Variants in CLCA1 observed in about 807,000 individuals in gnomAD.
CLCA1 encodes the protein calcium-activated chloride channel regulator 1.
Under a neutral mutation model 85.6 loss-of-function variants are expected in CLCA1, and 59 were observed. The ratio of observed to expected loss-of-function variants is 0.69; its 90% CI spans 0.56 to 0.86. The LOEUF is 0.86. Ranked by LOEUF, CLCA1 falls within the 40% of genes least tolerant of loss-of-function variation. The probability of loss-of-function intolerance (pLI) is 0.00; values close to 1 mark genes in which losing one functional copy is unlikely to be tolerated. For synonymous variants in CLCA1, 396 were observed against 398.3 expected (o/e 0.99, Z 0.07); for missense variants, 1,022 against 1,101.4 (o/e 0.93, Z 1.02).
intron 3 of CLCA1, among the ~76,000 whole-genome samples, chr1:86,474,296 A>C (rs919073983): frequency 3.3e-5 from 5 of 152,304 alleles, no homozygotes; most frequent in African/African-American, 9.6e-5. Flanking sequence ...ATCTTGTTAA[A>C]ATGTGGATTC....
At chr1:86,494,557 A>G in intron 11 of CLCA1, 109 bp downstream of exon 11, 1 of 1,134,792 alleles carries the variant, frequency 8.8e-7, no homozygotes. Context: ...AAGGCAGCAC[A>G]GCACTGAGGT....
At chr1:86,477,598 G>T (rs1036636041) in intron 4 of CLCA1, among the ~76,000 whole-genome samples, 3 of 152,108 alleles carry the variant, frequency 2.0e-5, no homozygotes, top group Non-Finnish European at 4.4e-5. Context: ...AAAAAATTCT[G>T]TAGCTACAGG....
Position 86,491,344 on chromosome 1 carries a change from T to C in CLCA1, c.1437T>C (p.Asn479=). ...IDAFGALSSG[N]GAVSQRSIQL... ...CTTTTGGGGCCCTTTCATCAGGAAA[T>C]GGAGCTGTCTCTCAGCGCTCCATCC... Residue 479 remains asparagine (N), a synonymous_variant, in exon 9 of 14, where the codon AAT becomes AAC. Coordinates refer to ENST00000394711, the MANE Select transcript of CLCA1 (RefSeq NM_001285.4). 1 of 1,613,302 alleles carries C rather than the reference T, an allele frequency of 6.2e-7. No individual in the cohort carries two copies. The highest frequency in any genetic ancestry group is 8.5e-7 in the Non-Finnish European group (1 of 1,179,384).
At chr1:86,479,745 C>T (rs1387685679) in intron 4 of CLCA1, among the ~76,000 whole-genome samples, 3 of 152,002 alleles carry the variant, frequency 2.0e-5, no homozygotes, top group Non-Finnish European at 2.9e-5. Flanking sequence ...ATTAGCCAGG[C>T]GTGGTGGCGG....
rs778815697 is a variant in CLCA1, at chr1:86,476,450, AG to A, written c.457del (p.Ala153HisfsTer33). 13 of 1,536,100 alleles carry A rather than the reference AG, an allele frequency of 8.5e-6. No individual in the cohort carries two copies. The highest frequency in any genetic ancestry group is 1.2e-5 in the Non-Finnish European group (13 of 1,111,624). ...KKLAEYGPQG[R>X]AFVHEWAHLR... ...TTTTTTAAAATACTTTCTCACAGGTAGGGCATTTGTCCATGAGTGGGCTCAT... is the reference window on the plus strand; with the variant it reads ...TTTTTTAAAATACTTTCTCACAGGTAGGCATTTGTCCATGAGTGGGCTCAT... On this transcript the variant is annotated frameshift_variant, in exon 4 of 14. Transcript: ENST00000394711. LOFTEE classifies it high-confidence loss of function.
intron 4 of CLCA1, among the ~76,000 whole-genome samples, chr1:86,481,913 G>A (rs1225795221): frequency 6.6e-6 from 1 of 152,192 alleles, no homozygotes; most frequent in African/African-American, 2.4e-5. Flanking sequence ...TAGATTCAAA[G>A]GTGCCTGAGG....
At position 86,484,422 on chromosome 1, in the gene CLCA1, T is replaced by TG. The variant is rs1162500020; in HGVS notation, c.736-917dup. On this transcript the variant is annotated intron_variant, in intron 5 of 13. Transcript: ENST00000394711. ...AAGTTTGGGAACTGACAGGCTATAG[T>TG]GGGGTAAATTAGAGACATGGAATAC... Among the ~76,000 whole-genome samples, 14 of 152,054 alleles carry TG rather than the reference T, an allele frequency of 9.2e-5. No homozygotes were observed. In the East Asian group the frequency reaches 2.7e-3, roughly 29 times the overall value.
Position 86,491,263 on chromosome 1 carries a change from A to G in CLCA1, c.1358-2A>G. On this transcript the variant is annotated splice_acceptor_variant, in intron 8 of 13. Transcript: ENST00000394711. LOFTEE classifies it high-confidence loss of function. ...ATTTCTGAAAATGTAATTGCATTTT[A>G]GGAGGTTTACAGACATATGCTTCAG... The G allele has an allele frequency of 6.2e-7, 1 of 1,600,674 alleles. No individual in the cohort carries two copies. Among genetic ancestry groups the G allele is most frequent in the Non-Finnish European group, 8.5e-7 (1 of 1,171,274 alleles).
chr1:86,500,044 A>C lies in CLCA1; in HGVS notation c.2744A>C (p.Ter915SerextTer2). Residue 915 changes from the stop codon to serine (S), a stop_lost, in exon 14 of 14, where the codon TAG becomes TCG. Transcript: ENST00000394711. The part of the protein sequence containing the change: ...WIGELQLSIA[*>S] Reference sequence around the variant, plus strand: ...GGAGAACTGCAGCTGTCAATAGCCTAGGGCTGAATTTTTGTCAGATAAATA... The same window carrying C: ...GGAGAACTGCAGCTGTCAATAGCCTCGGGCTGAATTTTTGTCAGATAAATA... 1 of 1,568,000 alleles carries C rather than the reference A, an allele frequency of 6.4e-7. No individual in the cohort carries two copies.
At chr1:86,498,358 T>TA (rs369114676) in intron 12 of CLCA1, among the ~76,000 whole-genome samples, 2 of 151,928 alleles carry the variant, frequency 1.3e-5, no homozygotes, top group Admixed American at 6.6e-5. Flanking sequence ...ATCTAAGAGA[T>TA]AAAAAAAAGA....
At chr1:86,489,371 C>G (rs760909238) in intron 8 of CLCA1, among the ~76,000 whole-genome samples, 1 of 152,136 alleles carries the variant, frequency 6.6e-6, no homozygotes, top group Non-Finnish European at 1.5e-5. Context: ...ACTAAGGCAG[C>G]CTGGAGAAGA....
chr1:86,471,033 G>A (rs1647485040), intron 1 of CLCA1, among the ~76,000 whole-genome samples: 1 of 152,154 alleles, frequency 6.6e-6, no homozygotes, highest in Admixed American at 6.5e-5. Context: ...GGAAGGGAGA[G>A]TCAGAGAGAA....
chr1:86,474,945 A>G (rs1647604177), intron 3 of CLCA1, among the ~76,000 whole-genome samples: 1 of 152,146 alleles, frequency 6.6e-6, no homozygotes, highest in African/African-American at 2.4e-5. Flanking sequence ...AAGGCACAGA[A>G]AACAAGCAAA....
intron 1 of CLCA1, among the ~76,000 whole-genome samples, chr1:86,472,485 C>T (rs116440765): frequency 1.5e-3 from 223 of 152,292 alleles, no homozygotes; most frequent in African/African-American, 5.1e-3. Flanking sequence ...TCTTCAGCCT[C>T]TTTTTTCCTC....
At chr1:86,484,697 A>G (rs3765994) in intron 5 of CLCA1, among the ~76,000 whole-genome samples, 49,585 of 151,924 alleles carry the variant, frequency 0.33, 9,078 homozygotes, top group Non-Finnish European at 0.41. Flanking sequence ...TGGAGAAAAG[A>G]TGAAGAAATT....
chr1:86,489,427 G>T (rs191321286), intron 8 of CLCA1, among the ~76,000 whole-genome samples: 2 of 152,168 alleles, frequency 1.3e-5, no homozygotes, highest in African/African-American at 4.8e-5. Context: ...CCTTCTTCCC[G>T]GGCCAGGAAC....
rs1553188765 is a variant in CLCA1, at chr1:86,498,155, A to AAAGAAAGG, written c.2114-414_2114-413insAAAGGAAG. 6.3e-5 allele frequency among the ~76,000 whole-genome samples: 8 copies of AAAGAAAGG among 126,026 alleles called. No individual in the cohort carries two copies. In the South Asian group the frequency reaches 2.2e-3, roughly 35 times the overall value. 82.7% of individuals were successfully genotyped at this position (126,026 alleles called of 152,430 possible). Reference sequence around the variant, plus strand: ...CTCCATCTCAAAAACAAAAACAAAGAAAGGAAGGAAGGAAGGAAGGAAGGA... The same window carrying AAAGAAAGG: ...CTCCATCTCAAAAACAAAAACAAAGAAAGAAAGGAAGGAAGGAAGGAAGGAAGGAAGGA... On this transcript the variant is annotated intron_variant, in intron 12 of 13. Coordinates refer to ENST00000394711, the MANE Select transcript of CLCA1 (RefSeq NM_001285.4).
At chr1:86,485,652 C>A (rs966604209) in intron 6 of CLCA1, 91 bp downstream of exon 6, 19 of 1,126,296 alleles carry the variant, frequency 1.7e-5, no homozygotes, top group Non-Finnish European at 2.5e-5. Flanking sequence ...ATAAACATAA[C>A]CCGAGGGCCA....
At chr1:86,476,392 A>G (rs1647635140) in intron 3 of CLCA1, 56 bp from the exon 4 acceptor site, 5 of 831,786 alleles carry the variant, frequency 6.0e-6, no homozygotes, top group Admixed American at 5.7e-5. Flanking sequence ...TTCCAGTGTG[A>G]GAAGGTAATT....
Sources: gnomAD v4.1 joint callset for allele counts (sites outside exome capture counted in the v4.1 genomes callset) on GRCh38, gnomAD v4.1.1 for gene constraint, MANE v1.5 for transcripts, NCBI Gene and HGNC (gene_info 2026-07-23, HGNC 2026-07-21) for gene names.